The following UBXN7 variants were observed in gnomAD, a reference collection of about 807,000 sequenced individuals.
The protein encoded by UBXN7 is UBX domain protein 7, also known as UBX domain-containing protein 7.
Under a neutral mutation model 58.0 loss-of-function variants are expected in UBXN7, and 9 were observed. The ratio of observed to expected loss-of-function variants is 0.16; its 90% CI spans 0.09 to 0.27. The LOEUF (loss-of-function observed/expected upper bound fraction) is 0.27, where lower values mean the gene tolerates loss of function less well. UBXN7 is among the 10% of genes least tolerant of loss of function. The probability of loss-of-function intolerance (pLI) is 1.00; values close to 1 mark genes in which losing one functional copy is unlikely to be tolerated. For missense variants in UBXN7, 328 were observed against 599.6 expected (o/e 0.55, Z 4.73); for synonymous variants, 208 against 205.0 (o/e 1.01, Z -0.12).
At chr3:196,394,401 G>C (rs1242311539) in intron 3 of UBXN7, among the ~76,000 whole-genome samples, 1 of 151,056 alleles carries the variant, frequency 6.6e-6, no homozygotes, top group East Asian at 1.9e-4. Flanking sequence ...TCGAGTTCAA[G>C]ACCAGCCTGA....
intron 1 of UBXN7, among the ~76,000 whole-genome samples, chr3:196,413,082 C>T (rs926493850): frequency 3.9e-5 from 6 of 152,106 alleles, no homozygotes; most frequent in African/African-American, 1.4e-4. Flanking sequence ...TGGCTCATGG[C>T]TGTAATTCAG....
chr3:196,429,749 T>A (rs543716576), intron 1 of UBXN7, among the ~76,000 whole-genome samples: 28 of 152,332 alleles, frequency 1.8e-4, no homozygotes, highest in South Asian at 4.1e-4. Context: ...TTAATCACTA[T>A]CTTGTAAAAA....
chr3:196,413,210 C>T (rs1730386033), intron 1 of UBXN7, among the ~76,000 whole-genome samples: 1 of 152,014 alleles, frequency 6.6e-6, no homozygotes, highest in Non-Finnish European at 1.5e-5. Flanking sequence ...TGGTGGTGGG[C>T]ACCCGTAATC....
intron 5 of UBXN7, among the ~76,000 whole-genome samples, chr3:196,384,941 T>A (rs983761117): frequency 6.6e-6 from 1 of 152,210 alleles, no homozygotes; most frequent in Non-Finnish European, 1.5e-5. Context: ...CTGTTGGAAG[T>A]TCTGGCCAGG....
chr3:196,370,844 G>A (rs1283008999), intron 6 of UBXN7, among the ~76,000 whole-genome samples: 2 of 139,160 alleles, frequency 1.4e-5, no homozygotes. Context: ...AATATGGCAG[G>A]ACCCCATCTC....
intron 5 of UBXN7, among the ~76,000 whole-genome samples, chr3:196,390,387 T>C (rs939946580): frequency 1.3e-5 from 2 of 152,042 alleles, no homozygotes; most frequent in Admixed American, 6.6e-5. Context: ...GGGGCACCTG[T>C]TGGGCTTGAT....
chr3:196,357,889 C>T (rs1225918354), intron 10 of UBXN7, among the ~76,000 whole-genome samples: 1 of 150,878 alleles, frequency 6.6e-6, no homozygotes, highest in Non-Finnish European at 1.5e-5. Flanking sequence ...AAAAACTAGC[C>T]GGGCATGGTG....
chr3:196,403,110 C>T lies in UBXN7; in HGVS notation c.222-91G>A, dbSNP rs564272395. 12 of 1,285,616 alleles carry T rather than the reference C, an allele frequency of 9.3e-6. No individual in the cohort carries two copies. In the East Asian group the frequency reaches 9.8e-5, roughly 11 times the overall value. 79.6% of individuals were successfully genotyped at this position (1,285,616 alleles called of 1,614,324 possible). ...AATACTGTGAATATATTCAAATTAACGTAGTGACTTTTAGAAGCACAGTAA... is the reference window on the plus strand; with the variant it reads ...AATACTGTGAATATATTCAAATTAATGTAGTGACTTTTAGAAGCACAGTAA... On this transcript the variant is annotated intron_variant, in intron 2 of 10. Transcript: ENST00000296328.
intron 1 of UBXN7, among the ~76,000 whole-genome samples, chr3:196,416,885 G>T (rs1408871491): frequency 1.3e-5 from 2 of 152,182 alleles, no homozygotes; most frequent in East Asian, 3.8e-4. Context: ...TTTAGAAGAA[G>T]AGGGATGTAA....
Position 196,417,290 on chromosome 3 carries a change from A to C in UBXN7, c.74-9897T>G, listed in dbSNP as rs187548692. On this transcript the variant is annotated intron_variant, in intron 1 of 10. Coordinates refer to ENST00000296328, the MANE Select transcript of UBXN7 (RefSeq NM_015562.2). ...TCGCGCGACTGCACTCCAGCCTGGG[A>C]GACAGAGCGAGACTCCATCTCGAAA... Among the ~76,000 whole-genome samples the C allele has an allele frequency of 1.5e-3, 234 of 152,260 alleles. 2 individuals carry two copies. Among genetic ancestry groups the C allele is most frequent in the Admixed American group, 4.7e-3 (72 of 15,286 alleles).
rs1479168391 is a variant in UBXN7, at chr3:196,352,075, A to G, written c.*4610T>C. 1 of 152,236 alleles carries G rather than the reference A, an allele frequency of 6.6e-6. No homozygotes were observed. Among genetic ancestry groups the G allele is most frequent in the South Asian group, 2.1e-4 (1 of 4,832 alleles). 9.4% of individuals were successfully genotyped at this position (152,236 alleles called of 1,614,324 possible). ...TGGAGCTAAAGAAAAAGGTGAGTCA[A>G]AAGAAAACGTGAGCTACAGTGCTTG... On this transcript the variant is annotated 3_prime_UTR_variant, in exon 11 of 11. Coordinates refer to ENST00000296328, the MANE Select transcript of UBXN7 (RefSeq NM_015562.2). This position sits in a 1 kb window ranked among gnomAD's most constrained non-coding sequence, Gnocchi z 4.1.
intron 5 of UBXN7, among the ~76,000 whole-genome samples, chr3:196,380,124 C>T (rs1422917486): frequency 6.6e-6 from 1 of 152,036 alleles, no homozygotes. Context: ...GTGGCGGGCG[C>T]CTGTGGTCCC....
chr3:196,416,034 AG>A (rs1312588396), intron 1 of UBXN7: 1 of 152,258 alleles, frequency 6.6e-6, no homozygotes, highest in Non-Finnish European at 1.5e-5. Flanking sequence ...ACCGCATTAC[AG>A]CACCACAAAA....
intron 1 of UBXN7, among the ~76,000 whole-genome samples, chr3:196,429,992 T>G (rs981615582): frequency 1.3e-5 from 2 of 152,170 alleles, no homozygotes; most frequent in African/African-American, 4.8e-5. Flanking sequence ...ACAGAAGAAG[T>G]AATGTGGCGT....
rs562118133 is a variant in UBXN7 at position 196,390,143 on chromosome 3, C to A, written c.468+1670G>T. Among the ~76,000 whole-genome samples the A allele has an allele frequency of 2.6e-5, 4 of 151,848 alleles. No individual in the cohort carries two copies. The South Asian group carries it at 8.3e-4, about 32-fold the overall frequency. ...TTAAGACCAGGGGATCAATTGAGAC[C>A]ATAAGTTGGAGGCTGCAGTGAGCCA... is the stretch of plus-strand genomic sequence containing the variant. On this transcript the variant is annotated intron_variant, in intron 5 of 10. Coordinates refer to ENST00000296328, the MANE Select transcript of UBXN7 (RefSeq NM_015562.2).
rs532640783 is a variant in UBXN7, at chr3:196,405,209, C to T, written c.221+2037G>A. 1.9e-4 allele frequency among the ~76,000 whole-genome samples: 29 copies of T among 152,002 alleles called. No homozygotes were observed. In the South Asian group the frequency reaches 5.6e-3, roughly 29 times the overall value. ...GAAAACTGGTGCACACAGTGGCTCA[C>T]GCCTGTAATCCCAGCACTTTGGGAG... On this transcript the variant is annotated intron_variant, in intron 2 of 10. Transcript: ENST00000296328.
At chr3:196,426,385 CAA>C (rs58979892) in intron 1 of UBXN7, among the ~76,000 whole-genome samples, 11 of 114,128 alleles carry the variant, frequency 9.6e-5, no homozygotes, top group South Asian at 2.9e-4. Flanking sequence ...GACTTCGTCT[CAA>C]AAAAAAAAAA....
At chr3:196,425,060 C>A (rs1489398828) in intron 1 of UBXN7, among the ~76,000 whole-genome samples, 1 of 152,066 alleles carries the variant, frequency 6.6e-6, no homozygotes, top group Admixed American at 6.6e-5. Flanking sequence ...TCTTTCTAGA[C>A]CCAAATATTC....
intron 8 of UBXN7, among the ~76,000 whole-genome samples, chr3:196,363,755 C>T (rs1287716578): frequency 6.6e-6 from 1 of 151,974 alleles, no homozygotes; most frequent in Non-Finnish European, 1.5e-5. Context: ...ATGGCGAAAC[C>T]CCATCTCCAC....
Sources: allele counts gnomAD v4.1 joint callset (sites outside exome capture counted in the v4.1 genomes callset), GRCh38; gene constraint gnomAD v4.1.1; non-coding constraint Gnocchi (gnomAD v3.1); transcripts MANE v1.5; gene names NCBI Gene and HGNC (gene_info 2026-07-23, HGNC 2026-07-21).